The following DZIP3 variants were observed in gnomAD, a reference collection of about 807,000 sequenced individuals.
The protein encoded by DZIP3 is DAZ interacting zinc finger protein 3, also known as E3 ubiquitin-protein ligase DZIP3.
DZIP3 carries 118 observed loss-of-function variants against 162.0 expected under a neutral mutation model. The observed-to-expected ratio is 0.73, with a 90% CI of 0.63 to 0.85. The LOEUF is 0.85. Among genes scored for constraint, DZIP3 ranks in the 40% least tolerant of loss-of-function variants. The pLI is 0.00. For missense variants in DZIP3, 1,331 were observed against 1,407.0 expected (o/e 0.95, Z 0.86); for synonymous variants, 438 against 458.6 (o/e 0.96, Z 0.57).
intron 23 of DZIP3, among the ~76,000 whole-genome samples, 190 bp downstream of exon 23, chr3:108,672,846 C>G (rs1943974204): frequency 6.6e-6 from 1 of 151,888 alleles, no homozygotes; most frequent in Non-Finnish European, 1.5e-5. Context: ...GTGAATACTT[C>G]AGTTTTGATG....
chr3:108,591,056 G>A (rs1274802546), intron 1 of DZIP3, among the ~76,000 whole-genome samples: 1 of 152,212 alleles, frequency 6.6e-6, no homozygotes, highest in East Asian at 1.9e-4. Context: ...TAATTGATAA[G>A]GGAAATGGGA....
At chr3:108,682,631 C>A (rs893920047) in intron 26 of DZIP3, among the ~76,000 whole-genome samples, 3 of 150,522 alleles carry the variant, frequency 2.0e-5, no homozygotes, top group Admixed American at 6.6e-5. Flanking sequence ...GGAAGGCAAG[C>A]ACAGGGAGAG....
At chr3:108,679,134 ACACTGTAC>A (rs1172483412) in intron 26 of DZIP3, among the ~76,000 whole-genome samples, 1 of 152,076 alleles carries the variant, frequency 6.6e-6, no homozygotes, top group Non-Finnish European at 1.5e-5. Flanking sequence ...ATGTCTAAAA[ACACTGTAC>A]CTTCTGCCCA....
At chr3:108,670,313 C>G (rs1022205257) in intron 22 of DZIP3, among the ~76,000 whole-genome samples, 3 of 151,902 alleles carry the variant, frequency 2.0e-5, no homozygotes, top group Non-Finnish European at 4.4e-5. Context: ...CCTCCTCTAG[C>G]TTCTGGCAAC....
chr3:108,614,398 ATT>A (rs899131287), intron 4 of DZIP3, among the ~76,000 whole-genome samples: 10 of 152,096 alleles, frequency 6.6e-5, no homozygotes, highest in Admixed American at 5.2e-4. Flanking sequence ...AACTGGACAC[ATT>A]TTTTTCTAGT....
Position 108,605,405 on chromosome 3 carries a change from G to A in DZIP3, c.-2G>A, listed in dbSNP as rs148797623. ...GATTTTTGTAAAGAAACCTTGTGCA[G>A]CATGGATTCTCTACCAGATGAATTT... On this transcript the variant is annotated 5_prime_UTR_variant, in exon 2 of 33. Coordinates refer to ENST00000361582, the MANE Select transcript of DZIP3 (RefSeq NM_014648.4). The A allele has an allele frequency of 3.7e-5, 59 of 1,613,586 alleles. No homozygotes were observed. The African/African-American group carries it at 7.6e-4, about 21-fold the overall frequency.
chr3:108,670,422 C>T (rs1287666657), intron 22 of DZIP3, among the ~76,000 whole-genome samples: 1 of 151,880 alleles, frequency 6.6e-6, no homozygotes, highest in Non-Finnish European at 1.5e-5. Context: ...ACATTTTTCA[C>T]TTAACATAGT....
At chr3:108,591,735 C>T (rs1307200533) in intron 1 of DZIP3, among the ~76,000 whole-genome samples, 2 of 152,144 alleles carry the variant, frequency 1.3e-5, no homozygotes, top group Non-Finnish European at 1.5e-5. Context: ...CAGTGGCTCA[C>T]GCTTTTAATT....
At chr3:108,657,920 A>C (rs1390888312) in intron 19 of DZIP3, among the ~76,000 whole-genome samples, 2 of 152,194 alleles carry the variant, frequency 1.3e-5, no homozygotes, top group Non-Finnish European at 2.9e-5. Context: ...TAAAGGGATC[A>C]ATTAAACAAG....
chr3:108,615,573 A>G, intron 4 of DZIP3, among the ~76,000 whole-genome samples: 1 of 152,210 alleles, frequency 6.6e-6, no homozygotes, highest in East Asian at 1.9e-4. Context: ...AAAATGTTAT[A>G]TATGGAAACC....
At chr3:108,615,950 A>G (rs1216357733) in intron 4 of DZIP3, among the ~76,000 whole-genome samples, 1 of 152,032 alleles carries the variant, frequency 6.6e-6, no homozygotes, top group Non-Finnish European at 1.5e-5. Flanking sequence ...TTTGGCAGGT[A>G]TAGGAATGCC....
At chr3:108,603,750 T>C (rs7637408) in intron 1 of DZIP3, among the ~76,000 whole-genome samples, 54,422 of 152,046 alleles carry the variant, frequency 0.36, 10,320 homozygotes, top group East Asian at 0.53. Context: ...CTTAATACTT[T>C]CTGTGTTACT....
chr3:108,675,404 G>A (rs1302258792), intron 24 of DZIP3, among the ~76,000 whole-genome samples: 1 of 152,006 alleles, frequency 6.6e-6, no homozygotes, highest in Non-Finnish European at 1.5e-5. Flanking sequence ...TGTGAAGATA[G>A]TCCAAAACTT....
intron 19 of DZIP3, among the ~76,000 whole-genome samples, chr3:108,658,724 C>T (rs1391808983): frequency 6.6e-6 from 1 of 151,912 alleles, no homozygotes; most frequent in Non-Finnish European, 1.5e-5. Context: ...AAAAGATCAA[C>T]AAAATTGATA....
intron 5 of DZIP3, among the ~76,000 whole-genome samples, chr3:108,619,060 C>CAAAA (rs57700432): frequency 1.4e-5 from 1 of 70,096 alleles, no homozygotes; most frequent in African/African-American, 5.9e-5. Context: ...GACTCCATCT[C>CAAAA]AAAAAAAAAA....
chr3:108,590,613 C>T (rs1025538136), intron 1 of DZIP3, among the ~76,000 whole-genome samples: 1 of 152,186 alleles, frequency 6.6e-6, no homozygotes, highest in Non-Finnish European at 1.5e-5. Context: ...GTAGTATCCC[C>T]TGCTGCGAGG....
chr3:108,641,254 A>T (rs1228512778), intron 12 of DZIP3, among the ~76,000 whole-genome samples: 1 of 152,048 alleles, frequency 6.6e-6, no homozygotes, highest in Non-Finnish European at 1.5e-5. Flanking sequence ...TTACTTTATA[A>T]ATTACATAAT....
intron 19 of DZIP3, among the ~76,000 whole-genome samples, chr3:108,655,467 A>C (rs1324824385): frequency 6.6e-6 from 1 of 152,194 alleles, no homozygotes; most frequent in African/African-American, 2.4e-5. Context: ...TTACAACAAT[A>C]AAAGCGTTAC....
chr3:108,688,114 C>A lies in DZIP3; in HGVS notation c.3270+18C>A, dbSNP rs1280911169. 2 of 1,611,476 alleles carry A rather than the reference C, an allele frequency of 1.2e-6. No individual in the cohort carries two copies. The highest frequency in any genetic ancestry group is 2.7e-5 in the African/African-American group (2 of 74,810). On this transcript the variant is annotated intron_variant, in intron 29 of 32. Coordinates refer to ENST00000361582, the MANE Select transcript of DZIP3 (RefSeq NM_014648.4). Reference sequence around the variant, plus strand: ...AGTCTCAGGTAAAATGCAAAAACAACCAAAAAACCTGTATCTCTCTGCCCT... The same window carrying A: ...AGTCTCAGGTAAAATGCAAAAACAAACAAAAAACCTGTATCTCTCTGCCCT...
Sources: gnomAD v4.1 joint callset for allele counts (sites outside exome capture counted in the v4.1 genomes callset) on GRCh38, gnomAD v4.1.1 for gene constraint, MANE v1.5 for transcripts, NCBI Gene and HGNC (gene_info 2026-07-23, HGNC 2026-07-21) for gene names.